PDE4D: variants seen among roughly 807,000 people sequenced by gnomAD.
The protein encoded by PDE4D is phosphodiesterase 4D.
PDE4D carries 24 observed loss-of-function variants against 87.4 expected under a neutral mutation model. The observed-to-expected ratio is 0.27, with a 90% CI of 0.20 to 0.39. The LOEUF (loss-of-function observed/expected upper bound fraction) is 0.39, where lower values mean the gene tolerates loss of function less well. Ranked by LOEUF, PDE4D falls within the 10% of genes least tolerant of loss-of-function variation. The probability of loss-of-function intolerance (pLI) is 1.00; values close to 1 mark genes in which losing one functional copy is unlikely to be tolerated. For synonymous variants in PDE4D, 384 were observed against 383.2 expected (o/e 1.00, Z -0.02); for missense variants, 714 against 1,041.0 (o/e 0.69, Z 4.32).
chr5:59,803,230 T>C (rs915066237), intron 1 of PDE4D, among the ~76,000 whole-genome samples: 1 of 151,732 alleles, frequency 6.6e-6, no homozygotes, highest in Non-Finnish European at 1.5e-5. Context: ...ACCTGGGAGC[T>C]CATTAGACGG....
chr5:60,149,380 C>T (rs181648622), intron 2 of PDE4D, among the ~76,000 whole-genome samples: 16 of 152,212 alleles, frequency 1.1e-4, no homozygotes, highest in Middle Eastern at 6.8e-3. Context: ...CTAACCCACT[C>T]TCATGATAAC....
At chr5:59,581,353 C>T (rs572354084) in intron 1 of PDE4D, among the ~76,000 whole-genome samples, 1 of 152,004 alleles carries the variant, frequency 6.6e-6, no homozygotes, top group East Asian at 1.9e-4. Flanking sequence ...TCTCTGAACC[C>T]AAATACCTCA....
intron 2 of PDE4D, among the ~76,000 whole-genome samples, chr5:59,989,735 T>C (rs1439729340): frequency 6.6e-6 from 1 of 152,142 alleles, no homozygotes; most frequent in South Asian, 2.1e-4. Context: ...ACATGAGCAA[T>C]AATTATTTCC....
intron 5 of PDE4D, among the ~76,000 whole-genome samples, chr5:59,090,587 T>A: frequency 6.6e-6 from 1 of 152,124 alleles, no homozygotes; most frequent in East Asian, 1.9e-4. Flanking sequence ...CTTTTATACA[T>A]GAGAACAACC....
intron 1 of PDE4D, among the ~76,000 whole-genome samples, chr5:60,446,170 T>C (rs1655053625): frequency 6.6e-6 from 1 of 152,130 alleles, no homozygotes; most frequent in Non-Finnish European, 1.5e-5. Flanking sequence ...AAATGTGCCC[T>C]CTCATGCACT....
intron 1 of PDE4D, among the ~76,000 whole-genome samples, chr5:59,890,199 T>G (rs1468371680): frequency 6.6e-6 from 1 of 151,732 alleles, no homozygotes; most frequent in African/African-American, 2.4e-5. Flanking sequence ...AGACATTAAC[T>G]TGATAGACTA....
At chr5:59,505,903 TA>T (rs1433877249) in intron 1 of PDE4D, among the ~76,000 whole-genome samples, 1 of 152,158 alleles carries the variant, frequency 6.6e-6, no homozygotes, top group African/African-American at 2.4e-5. Context: ...ATGAAATATA[TA>T]AAAACACTAC....
In PDE4D at chr5:59,998,453, T is replaced by C. The variant is rs557261032; in HGVS notation, c.43-9736A>G. ...AAAATCAAAGACCAGTTGTTAAAATTACCACACCAACATCTCATTTATAAA... is the reference window on the plus strand; with the variant it reads ...AAAATCAAAGACCAGTTGTTAAAATCACCACACCAACATCTCATTTATAAA... On this transcript the variant is annotated intron_variant, in intron 2 of 16. Transcript: ENST00000502484. 4.6e-5 allele frequency among the ~76,000 whole-genome samples: 7 copies of C among 152,222 alleles called. No individual in the cohort carries two copies. The South Asian group carries it at 1.0e-3, about 23-fold the overall frequency.
At chr5:59,761,442 AT>A (rs1282087407) in intron 1 of PDE4D, among the ~76,000 whole-genome samples, 1 of 152,072 alleles carries the variant, frequency 6.6e-6, no homozygotes, top group East Asian at 1.9e-4. Flanking sequence ...TTTTCTTTTA[AT>A]TTTTTGGCTC....
chr5:60,361,433 A>G (rs567140990), intron 1 of PDE4D, among the ~76,000 whole-genome samples: 97 of 152,248 alleles, frequency 6.4e-4, no homozygotes, highest in Non-Finnish European at 1.1e-3. Context: ...TGGTAACTAC[A>G]TGAGGAAAAT....
intron 1 of PDE4D, among the ~76,000 whole-genome samples, chr5:59,360,665 A>G (rs1782059099): frequency 6.6e-6 from 1 of 152,228 alleles, no homozygotes; most frequent in Non-Finnish European, 1.5e-5. Flanking sequence ...TTGCAAAATA[A>G]TACCAAAATT....
At position 59,185,176 on chromosome 5, in the gene PDE4D, A is replaced by G. The variant is rs755741846; in HGVS notation, c.758+13T>C. ...GTTCAGCAAAAAAGAGGGGGGAAAA[A>G]AGGATATCTTACTTGCTAGGTGCTC... On this transcript the variant is annotated intron_variant, in intron 4 of 14. Transcript: ENST00000340635. 5 of 1,603,508 alleles carry G rather than the reference A, an allele frequency of 3.1e-6. No individual in the cohort carries two copies. The highest frequency in any genetic ancestry group is 4.3e-6 in the Non-Finnish European group (5 of 1,172,608).
intron 1 of PDE4D, among the ~76,000 whole-genome samples, chr5:59,363,977 T>C (rs1562036119): frequency 6.6e-6 from 1 of 152,164 alleles, no homozygotes; most frequent in African/African-American, 2.4e-5. Flanking sequence ...ATATTCTACA[T>C]AGGAGAAAAA....
intron 1 of PDE4D, among the ~76,000 whole-genome samples, chr5:59,385,215 G>A (rs1336267853): frequency 6.6e-6 from 1 of 152,128 alleles, no homozygotes; most frequent in South Asian, 2.1e-4. Flanking sequence ...GTTATTTCCC[G>A]TGTTGATTAT....
chr5:60,236,367 C>CA (rs977658463), intron 1 of PDE4D, among the ~76,000 whole-genome samples: 7 of 151,396 alleles, frequency 4.6e-5, no homozygotes. Flanking sequence ...ATATCTACAA[C>CA]AAAAAAAATT....
At chr5:60,139,482 C>A (rs1200506651) in intron 2 of PDE4D, among the ~76,000 whole-genome samples, 2 of 151,902 alleles carry the variant, frequency 1.3e-5, no homozygotes, top group East Asian at 1.9e-4. Flanking sequence ...AAGTTTAAAC[C>A]TATAAAAGGA....
intron 5 of PDE4D, among the ~76,000 whole-genome samples, chr5:59,083,147 G>T (rs1767069904): frequency 6.6e-6 from 1 of 151,988 alleles, no homozygotes; most frequent in Admixed American, 6.6e-5. Context: ...TCAATTTTGG[G>T]TTCTAGTTCT....
chr5:59,723,952 T>C (rs1018806004), intron 1 of PDE4D, among the ~76,000 whole-genome samples: 1 of 152,150 alleles, frequency 6.6e-6, no homozygotes, highest in African/African-American at 2.4e-5. Context: ...CTTTTCTTTT[T>C]CCTTCTCTCC....
rs117724625 is a variant in PDE4D, at chr5:60,292,314, A to T, written c.-89-106627T>A. On this transcript the variant is annotated intron_variant, in intron 1 of 16. Transcript: ENST00000502484. ...CAGAGGGTCTAGGCATGGCTAAGTA[A>T]AGCCTGTCTTCACTGTATACACACT... Among the ~76,000 whole-genome samples the T allele has an allele frequency of 6.8e-3, 1,039 of 152,332 alleles. 22 individuals are homozygous for T. Among genetic ancestry groups the T allele is most frequent in the East Asian group, 0.06 (309 of 5,190 alleles).
Sources: gnomAD v4.1 joint callset for allele counts (sites outside exome capture counted in the v4.1 genomes callset) on GRCh38, gnomAD v4.1.1 for gene constraint, MANE v1.5 for transcripts, NCBI Gene and HGNC (gene_info 2026-07-23, HGNC 2026-07-21) for gene names.